The following IARS2 variants were observed in gnomAD, a reference collection of about 807,000 sequenced individuals.
The protein encoded by IARS2 is isoleucine--tRNA ligase, mitochondrial.
IARS2 carries 56 observed loss-of-function variants against 126.3 expected under a neutral mutation model. The ratio of observed to expected loss-of-function variants is 0.44; its 90% CI spans 0.36 to 0.55. The LOEUF is 0.55. IARS2 is among the 20% of genes least tolerant of loss of function. The probability of loss-of-function intolerance (pLI) is 0.00; values close to 1 mark genes in which losing one functional copy is unlikely to be tolerated. For synonymous variants in IARS2, 407 were observed against 441.1 expected (o/e 0.92, Z 0.97); for missense variants, 1,127 against 1,245.9 (o/e 0.90, Z 1.44).
At chr1:220,130,710 A>C (rs963548179) in intron 14 of IARS2, among the ~76,000 whole-genome samples, 4 of 152,130 alleles carry the variant, frequency 2.6e-5, no homozygotes, top group Non-Finnish European at 5.9e-5. Context: ...GGCACCTGCC[A>C]CCACGCCTGG....
In IARS2 at chr1:220,110,770, G is replaced by GTTTT; in HGVS notation, c.1328-8_1328-5dup. On this transcript the variant is annotated splice_polypyrimidine_tract_variant and intron_variant, in intron 10 of 22. Transcript: ENST00000366922. Reference sequence around the variant, plus strand: ...ACTTTTTAATTATGTCTAATTTGGTGTTTTTTTTTTTAAAGTTATAAAGAT... The same window carrying GTTTT: ...ACTTTTTAATTATGTCTAATTTGGTGTTTTTTTTTTTTTTTAAAGTTATAAAGAT... The GTTTT allele has an allele frequency of 8.0e-7, 1 of 1,243,544 alleles. No homozygotes were observed. Among genetic ancestry groups the GTTTT allele is most frequent in the African/African-American group, 1.5e-5 (1 of 64,964 alleles). 77.0% of individuals were successfully genotyped at this position (1,243,544 alleles called of 1,614,324 possible). A position where few individuals can be genotyped will look rare whatever the true frequency, so the allele number is the denominator to read the frequency against.
intron 13 of IARS2, among the ~76,000 whole-genome samples, chr1:220,126,522 C>A (rs545566163): frequency 1.3e-5 from 2 of 152,176 alleles, no homozygotes; most frequent in African/African-American, 4.8e-5. Flanking sequence ...AAATAAAAAC[C>A]AATTCATATT....
chr1:220,112,425 C>T (rs763647614), intron 11 of IARS2, among the ~76,000 whole-genome samples: 1 of 61,962 alleles, frequency 1.6e-5, no homozygotes. Context: ...TGAGCCACCG[C>T]GCCCGGCCCG....
intron 12 of IARS2, among the ~76,000 whole-genome samples, chr1:220,114,892 G>A (rs537253643): frequency 1.3e-5 from 2 of 150,984 alleles, no homozygotes; most frequent in African/African-American, 2.4e-5. Context: ...TTAAGAAATT[G>A]TAGTTAAATG....
At chr1:220,137,361 G>A (rs906815637) in intron 16 of IARS2, among the ~76,000 whole-genome samples, 14 of 152,168 alleles carry the variant, frequency 9.2e-5, no homozygotes, top group Non-Finnish European at 2.1e-4. Flanking sequence ...TTATTATATT[G>A]TTGAAAATTA....
chr1:220,111,036 A>G, intron 11 of IARS2, 99 bp downstream of exon 11: 2 of 1,048,128 alleles, frequency 1.9e-6, no homozygotes, highest in Non-Finnish European at 2.8e-6. Flanking sequence ...AGTAATAGGG[A>G]TTGCTGCTAT....
At chr1:220,137,101 C>T (rs898361285) in intron 16 of IARS2, among the ~76,000 whole-genome samples, 190 bp downstream of exon 16, 4 of 152,156 alleles carry the variant, frequency 2.6e-5, no homozygotes, top group Non-Finnish European at 5.9e-5. Context: ...GCCTGACTCT[C>T]CAGTTAGGTC....
intron 10 of IARS2, among the ~76,000 whole-genome samples, chr1:220,108,658 T>A (rs1205672595): frequency 1.3e-5 from 2 of 151,900 alleles, no homozygotes; most frequent in African/African-American, 4.8e-5. Flanking sequence ...ATGCTGGGTT[T>A]ACAGGCATGA....
chr1:220,118,543 CAG>C (rs1656974356), intron 12 of IARS2, among the ~76,000 whole-genome samples: 2 of 151,934 alleles, frequency 1.3e-5, no homozygotes, highest in African/African-American at 4.8e-5. Flanking sequence ...TCAATAAAAA[CAG>C]AAGAAATAAT....
At position 220,145,531 on chromosome 1, in the gene IARS2, C is replaced by G. The variant is rs766910377; in HGVS notation, c.2774C>G (p.Ser925Cys). The G allele has an allele frequency of 3.7e-6, 6 of 1,613,062 alleles. No individual in the cohort carries two copies. The Admixed American group carries it at 8.3e-5, about 22-fold the overall frequency. ...CAGATGCTGCAGTCTGAAGAGACTTCCAGCACCTCTCAGTTGAATGAATTA... is the reference window on the plus strand; with the variant it reads ...CAGATGCTGCAGTCTGAAGAGACTTGCAGCACCTCTCAGTTGAATGAATTA... ...IIEMLQSEET[S>C]STSQLNELMM... Residue 925 changes from serine to cysteine, a missense_variant, in exon 22 of 23, where the codon TCC becomes TGC. Physicochemically the swap from Ser to Cys is moderately radical, Grantham distance 112. Transcript: ENST00000366922.
At chr1:220,140,376 C>T (rs531948757) in intron 19 of IARS2, 87 bp downstream of exon 19, 24 of 783,042 alleles carry the variant, frequency 3.1e-5, no homozygotes, top group South Asian at 6.1e-5. Flanking sequence ...GAGGCCGAGG[C>T]GGGTGGATGA....
In IARS2 at chr1:220,102,390, G is replaced by T; in HGVS notation, c.727G>T (p.Val243Leu). Residue 243 changes from valine to leucine, a missense_variant, in exon 5 of 23, where the codon GTG becomes TTG. By Grantham distance (32) the Val-to-Leu change is conservative. Coordinates refer to ENST00000366922, the MANE Select transcript of IARS2 (RefSeq NM_018060.4). ...KGLVYRSYKP[V>L]FWSPSSRTAL... ...CTTGGTTTATCGATCTTACAAACCT[G>T]TGTTTTGGTCTCCGTCATCTAGGTA... 1 of 1,613,786 alleles carries T rather than the reference G, an allele frequency of 6.2e-7. No homozygotes were observed.
intron 14 of IARS2, among the ~76,000 whole-genome samples, chr1:220,128,205 A>G (rs887877480): frequency 1.7e-5 from 2 of 120,114 alleles, no homozygotes; most frequent in African/African-American, 6.4e-5. Flanking sequence ...AGCAGGGCCA[A>G]CTGTGGGACT....
chr1:220,135,651 C>T (rs1470857342), intron 15 of IARS2, among the ~76,000 whole-genome samples: 3 of 151,412 alleles, frequency 2.0e-5, no homozygotes, highest in Admixed American at 6.6e-5. Context: ...TGAGCCCCCA[C>T]GCCTGGCCCT....
intron 20 of IARS2, 42 bp downstream of exon 20, chr1:220,141,990 T>C (rs770405882): frequency 1.9e-6 from 3 of 1,578,430 alleles, no homozygotes; most frequent in East Asian, 2.2e-5. Context: ...GAAATATCCC[T>C]GATCAAGGTG....
At chr1:220,102,458 C>T in intron 5 of IARS2, 37 bp from the exon 6 acceptor site, 1 of 1,609,220 alleles carries the variant, frequency 6.2e-7, no homozygotes, top group Non-Finnish European at 8.5e-7. Context: ...ATTTGTGAGG[C>T]TTCCAAGTAT....
At chr1:220,144,179 C>G (rs1657542917) in intron 21 of IARS2, 1 of 789,656 alleles carries the variant, frequency 1.3e-6, no homozygotes, top group Non-Finnish European at 2.3e-6. Context: ...ATTTTCCCAG[C>G]TCTGTGACCA....
chr1:220,127,561 A>G (rs2102833157), intron 14 of IARS2, among the ~76,000 whole-genome samples: 1 of 152,310 alleles, frequency 6.6e-6, no homozygotes, highest in South Asian at 2.1e-4. Flanking sequence ...ATCACTGTGA[A>G]GTTGGAGACA....
At chr1:220,121,938 A>G (rs1284282666) in intron 12 of IARS2, among the ~76,000 whole-genome samples, 2 of 151,890 alleles carry the variant, frequency 1.3e-5, no homozygotes, top group Non-Finnish European at 2.9e-5. Flanking sequence ...AGAGGGGGGG[A>G]AAGAAAGCAG....
Sources: allele counts gnomAD v4.1 joint callset (sites outside exome capture counted in the v4.1 genomes callset), GRCh38; gene constraint gnomAD v4.1.1; transcripts MANE v1.5; gene names NCBI Gene and HGNC (gene_info 2026-07-23, HGNC 2026-07-21).